PPP2CB: variants seen among roughly 807,000 people sequenced by gnomAD.
PPP2CB encodes protein phosphatase 2 catalytic subunit beta.
In PPP2CB, 18 loss-of-function variants were observed where a neutral mutation model predicts 39.1. That is an observed-to-expected ratio of 0.46 (90% CI 0.32 to 0.68). PPP2CB has a LOEUF of 0.68. Among genes scored for constraint, PPP2CB ranks in the 30% least tolerant of loss-of-function variants. PPP2CB has a pLI of 0.04. For missense variants in PPP2CB, 226 were observed against 396.9 expected (o/e 0.57, Z 3.66); for synonymous variants, 129 against 133.8 (o/e 0.96, Z 0.25).
intron 6 of PPP2CB, 49 bp downstream of exon 6, chr8:30,791,148 A>C: frequency 7.7e-7 from 1 of 1,290,834 alleles, no homozygotes; most frequent in South Asian, 1.3e-5. Context: ...TTTAACATTT[A>C]AAATTTTCCT....
chr8:30,787,375 T>G (rs117764693), intron 6 of PPP2CB, among the ~76,000 whole-genome samples: 9,504 of 152,296 alleles, frequency 0.062, 561 homozygotes, highest in African/African-American at 0.15. Flanking sequence ...GGTCTCACTC[T>G]GTTGCCCAAG....
intron 1 of PPP2CB, among the ~76,000 whole-genome samples, chr8:30,804,617 A>G (rs1207852900): frequency 6.6e-6 from 1 of 152,162 alleles, no homozygotes; most frequent in Non-Finnish European, 1.5e-5. Flanking sequence ...CCTGTGAATC[A>G]CTGAACCTAA....
chr8:30,804,057 G>A (rs934941615), intron 1 of PPP2CB, among the ~76,000 whole-genome samples: 2 of 152,086 alleles, frequency 1.3e-5, no homozygotes, highest in African/African-American at 4.8e-5. Context: ...CCCTGACCTC[G>A]TGATCCGCCC....
intron 1 of PPP2CB, among the ~76,000 whole-genome samples, chr8:30,801,452 T>C (rs1196790693): frequency 2.0e-5 from 3 of 150,596 alleles, no homozygotes; most frequent in Admixed American, 1.3e-4. Flanking sequence ...GAATATGACA[T>C]GAACCTGGGA....
chr8:30,790,933 C>A, intron 6 of PPP2CB: 1 of 297,094 alleles, frequency 3.4e-6, no homozygotes, highest in Non-Finnish European at 6.2e-6. Context: ...AGCTCAAATG[C>A]CACAGACTAC....
At chr8:30,806,281 C>T (rs1470801702) in intron 1 of PPP2CB, among the ~76,000 whole-genome samples, 4 of 151,558 alleles carry the variant, frequency 2.6e-5, no homozygotes, top group African/African-American at 9.7e-5. Context: ...GTCTGGATCT[C>T]CTGACCTCAT....
chr8:30,785,775 G>C lies in PPP2CB; in HGVS notation c.*460C>G. ...TGTTATGACAACATACTCCCAAGAA[G>C]AACCTTTTCTTCAGTTAAGTTAATT... On this transcript the variant is annotated 3_prime_UTR_variant, in exon 7 of 7. Transcript: ENST00000221138. 3.4e-6 allele frequency: 1 copy of C among 295,644 alleles called. No homozygotes were observed. The highest frequency in any genetic ancestry group is 3.0e-5 in the South Asian group (1 of 33,016). The allele number at this position is 295,644 out of a possible 1,614,324, so 18.3% of individuals were successfully genotyped here.
chr8:30,792,622 T>C (rs1586122003), intron 5 of PPP2CB, among the ~76,000 whole-genome samples: 1 of 148,114 alleles, frequency 6.8e-6, no homozygotes, highest in Admixed American at 6.7e-5. Flanking sequence ...TTTTTGACTT[T>C]TTTTTTTTTT....
chr8:30,808,172 C>T (rs1239483137), intron 1 of PPP2CB, among the ~76,000 whole-genome samples: 1 of 151,842 alleles, frequency 6.6e-6, no homozygotes, highest in Non-Finnish European at 1.5e-5. Flanking sequence ...GATCTCGGCT[C>T]ACTGCAACTT....
intron 1 of PPP2CB, among the ~76,000 whole-genome samples, chr8:30,801,975 A>G (rs1806635097): frequency 6.6e-6 from 1 of 152,150 alleles, no homozygotes; most frequent in African/African-American, 2.4e-5. Context: ...TTCTGACTGC[A>G]CCTCTAACCT....
At chr8:30,791,555 T>C (rs981733444) in intron 5 of PPP2CB, 8 of 320,480 alleles carry the variant, frequency 2.5e-5, no homozygotes, top group East Asian at 1.2e-4. Flanking sequence ...GTATCTATGC[T>C]TGAAATCTTG....
chr8:30,796,885 GC>G (rs1204438427), intron 3 of PPP2CB, among the ~76,000 whole-genome samples: 1 of 152,132 alleles, frequency 6.6e-6, no homozygotes, highest in African/African-American at 2.4e-5. Flanking sequence ...TTTTGCTGTT[GC>G]CCAGGCTGAA....
chr8:30,786,311 T>C lies in PPP2CB; in HGVS notation c.858-4A>G, dbSNP rs760032920. On this transcript the variant is annotated splice_polypyrimidine_tract_variant and splice_region_variant and intron_variant, in intron 6 of 6. Coordinates refer to ENST00000221138, the MANE Select transcript of PPP2CB (RefSeq NM_001009552.2). ...AGGCGCTGGGTCAAATTGAAGGCTGTAAATGGCAAAAAAGGAAGCAAATAA... is the reference window on the plus strand; with the variant it reads ...AGGCGCTGGGTCAAATTGAAGGCTGCAAATGGCAAAAAAGGAAGCAAATAA... The C allele has an allele frequency of 2.5e-6, 4 of 1,569,880 alleles. No homozygotes were observed. Among genetic ancestry groups the C allele is most frequent in the Admixed American group, 1.9e-5 (1 of 52,588 alleles).
chr8:30,797,489 C>T, intron 3 of PPP2CB, 92 bp downstream of exon 3: 1 of 1,258,430 alleles, frequency 7.9e-7, no homozygotes, highest in East Asian at 2.5e-5. Context: ...GATGCAGAAA[C>T]ACAGGTCATA....
At chr8:30,799,500 G>C in intron 2 of PPP2CB, 46 bp downstream of exon 2, 1 of 1,489,390 alleles carries the variant, frequency 6.7e-7, no homozygotes, top group Non-Finnish European at 9.3e-7. Context: ...CTTGCCTTTT[G>C]CCTGGTTTAA....
intron 6 of PPP2CB, chr8:30,790,975 T>C (rs998958793): frequency 1.7e-5 from 7 of 419,014 alleles, no homozygotes; most frequent in Non-Finnish European, 2.9e-5. Context: ...GTAGGTTTTC[T>C]TGAATTAACT....
intron 1 of PPP2CB, among the ~76,000 whole-genome samples, chr8:30,808,272 G>C (rs2128762836): frequency 6.6e-6 from 1 of 152,120 alleles, no homozygotes; most frequent in Admixed American, 6.5e-5. Context: ...CTAATTTTTT[G>C]TATTTTAGTA....
At chr8:30,803,881 A>G (rs969663727) in intron 1 of PPP2CB, among the ~76,000 whole-genome samples, 7 of 150,634 alleles carry the variant, frequency 4.6e-5, no homozygotes, top group Non-Finnish European at 8.8e-5. Context: ...CAGTGGCGCG[A>G]TCTCCATCTC....
At chr8:30,802,629 G>A (rs1480621627) in intron 1 of PPP2CB, among the ~76,000 whole-genome samples, 3 of 152,110 alleles carry the variant, frequency 2.0e-5, no homozygotes, top group African/African-American at 7.2e-5. Flanking sequence ...GCAGGTCTGA[G>A]CCACCGTGAC....
Sources: allele counts gnomAD v4.1 joint callset (sites outside exome capture counted in the v4.1 genomes callset), GRCh38; gene constraint gnomAD v4.1.1; transcripts MANE v1.5; gene names NCBI Gene and HGNC (gene_info 2026-07-23, HGNC 2026-07-21).